RALYL: variants seen among roughly 807,000 people sequenced by gnomAD.
The protein encoded by RALYL is RNA-binding Raly-like protein.
RALYL carries 29 observed loss-of-function variants against 35.1 expected under a neutral mutation model. The ratio of observed to expected loss-of-function variants is 0.83; its 90% CI spans 0.61 to 1.13. The LOEUF (loss-of-function observed/expected upper bound fraction) is 1.13, where lower values mean the gene tolerates loss of function less well. RALYL is among the 50% of genes most tolerant of loss of function. The pLI, the probability that RALYL is intolerant of heterozygous loss-of-function variation, is 0.00. For missense variants in RALYL, 359 were observed against 360.4 expected (o/e 1.00, Z 0.03); for synonymous variants, 120 against 127.6 (o/e 0.94, Z 0.40).
At chr8:84,552,014 A>G (rs1162989163) in intron 2 of RALYL, among the ~76,000 whole-genome samples, 2 of 152,062 alleles carry the variant, frequency 1.3e-5, no homozygotes, top group African/African-American at 4.8e-5. Flanking sequence ...ATGTGCACAC[A>G]TACACATACA....
At chr8:84,692,048 CTT>C (rs1314729895) in intron 2 of RALYL, among the ~76,000 whole-genome samples, 1 of 151,674 alleles carries the variant, frequency 6.6e-6, no homozygotes, top group African/African-American at 2.4e-5. Context: ...TTAAAAAAAA[CTT>C]TGGAAAATCA....
intron 4 of RALYL, among the ~76,000 whole-genome samples, chr8:84,805,342 C>A (rs912980001): frequency 6.6e-6 from 1 of 152,168 alleles, no homozygotes; most frequent in Non-Finnish European, 1.5e-5. Flanking sequence ...ATAAGACGAA[C>A]GCTTGCCTGC....
At chr8:84,292,433 C>T (rs1447037240) in intron 1 of RALYL, among the ~76,000 whole-genome samples, 4 of 152,010 alleles carry the variant, frequency 2.6e-5, no homozygotes, top group Admixed American at 6.6e-5. Context: ...ATGCCAGGGG[C>T]GTGTGAACCA....
rs145694566 is a variant in RALYL at position 84,836,419 on chromosome 8, A to G, written c.366-13561A>G. ...TAGCGAGGAACTCTGTGAAGATATC[A>G]TAATTATTTAGGTCCCATTAGGTTT... On this transcript the variant is annotated intron_variant, in intron 4 of 8. Coordinates refer to ENST00000521268, the MANE Select transcript of RALYL (RefSeq NM_173848.7). 6.0e-3 allele frequency among the ~76,000 whole-genome samples: 917 copies of G among 152,288 alleles called. 8 individuals are homozygous for G. The highest frequency in any genetic ancestry group is 0.021 in the African/African-American group (869 of 41,556).
intron 1 of RALYL, among the ~76,000 whole-genome samples, chr8:84,191,921 GAAGT>G (rs1198478195): frequency 3.9e-5 from 6 of 152,286 alleles, no homozygotes; most frequent in Admixed American, 2.6e-4. Flanking sequence ...AACTCTCAGT[GAAGT>G]AAGTGATTCA....
rs954378624 is a variant in RALYL at position 84,675,537 on chromosome 8, T to C, written c.257-99042T>C. Among the ~76,000 whole-genome samples the C allele has an allele frequency of 5.3e-5, 8 of 152,182 alleles. 1 individual carries two copies. The highest frequency in any genetic ancestry group is 5.2e-4 in the Admixed American group (8 of 15,266). On this transcript the variant is annotated intron_variant, in intron 2 of 8. Coordinates refer to ENST00000521268, the MANE Select transcript of RALYL (RefSeq NM_173848.7). ...ATATTTTCAAAACTGAATTATAAAA[T>C]GAAATTTTAGGAGTTGATTTTTGAC... is the stretch of plus-strand genomic sequence containing the variant.
At chr8:84,810,742 C>A (rs1825720112) in intron 4 of RALYL, among the ~76,000 whole-genome samples, 1 of 152,146 alleles carries the variant, frequency 6.6e-6, no homozygotes, top group Non-Finnish European at 1.5e-5. Context: ...TATATAATGT[C>A]CCTCTTTGTC....
intron 2 of RALYL, among the ~76,000 whole-genome samples, chr8:84,703,244 T>C (rs1840535898): frequency 6.6e-6 from 1 of 152,108 alleles, no homozygotes; most frequent in South Asian, 2.1e-4. Flanking sequence ...TTCAAGCCAC[T>C]AGGCCCAGAT....
intron 1 of RALYL, among the ~76,000 whole-genome samples, chr8:84,469,487 G>C (rs974147075): frequency 1.3e-5 from 2 of 152,208 alleles, no homozygotes; most frequent in Non-Finnish European, 2.9e-5. Context: ...ACTTGAGGAG[G>C]CAGTCTGCCC....
chr8:84,409,616 T>G (rs187691794), intron 1 of RALYL, among the ~76,000 whole-genome samples: 1 of 152,128 alleles, frequency 6.6e-6, no homozygotes, highest in Admixed American at 6.6e-5. Context: ...TGTTTCTCAC[T>G]TAAGTTTATG....
At chr8:84,227,236 T>G (rs1235988603) in intron 1 of RALYL, among the ~76,000 whole-genome samples, 1 of 151,824 alleles carries the variant, frequency 6.6e-6, no homozygotes, top group East Asian at 1.9e-4. Flanking sequence ...ATTTTTGTAT[T>G]TTTAGTAGAG....
At chr8:84,488,845 G>A (rs1169595788) in intron 1 of RALYL, among the ~76,000 whole-genome samples, 6 of 151,890 alleles carry the variant, frequency 4.0e-5, no homozygotes, top group South Asian at 2.1e-4. Context: ...ATTTTAAGTG[G>A]TATTACTAGG....
intron 1 of RALYL, among the ~76,000 whole-genome samples, chr8:84,458,995 ATT>A (rs2050446017): frequency 1.3e-5 from 2 of 151,692 alleles, no homozygotes; most frequent in Non-Finnish European, 3.0e-5. Flanking sequence ...TGAATTATTA[ATT>A]TTGATTATAT....
intron 2 of RALYL, among the ~76,000 whole-genome samples, chr8:84,654,828 C>G (rs1017896772): frequency 2.0e-5 from 3 of 152,128 alleles, no homozygotes; most frequent in Non-Finnish European, 4.4e-5. Flanking sequence ...ATTCATTCAT[C>G]TGTTTATGGG....
intron 1 of RALYL, among the ~76,000 whole-genome samples, chr8:84,479,432 A>G (rs2133859551): frequency 1.3e-5 from 2 of 152,304 alleles, no homozygotes; most frequent in East Asian, 3.9e-4. Flanking sequence ...AATGGCACAG[A>G]TTTGTTTTCC....
intron 2 of RALYL, among the ~76,000 whole-genome samples, chr8:84,745,215 G>A (rs1464154149): frequency 3.3e-5 from 5 of 151,840 alleles, no homozygotes; most frequent in African/African-American, 1.2e-4. Flanking sequence ...TGCACATGCT[G>A]TAATCCTTCC....
chr8:84,333,372 G>GA (rs1386455731), intron 1 of RALYL, among the ~76,000 whole-genome samples: 1 of 152,080 alleles, frequency 6.6e-6, no homozygotes, highest in African/African-American at 2.4e-5. Flanking sequence ...TAGGCACAGT[G>GA]AAAACTATTA....
At chr8:84,763,134 G>A (rs1002685941) in intron 2 of RALYL, among the ~76,000 whole-genome samples, 4 of 152,010 alleles carry the variant, frequency 2.6e-5, no homozygotes, top group Non-Finnish European at 5.9e-5. Context: ...AGCAGCCTCG[G>A]TTTTTTAAAT....
chr8:84,870,443 A>T (rs1338429529), intron 6 of RALYL, among the ~76,000 whole-genome samples: 1 of 151,406 alleles, frequency 6.6e-6, no homozygotes, highest in East Asian at 1.9e-4. Flanking sequence ...TTTTTAGTAG[A>T]GACGGGGTTT....
Sources: gnomAD v4.1 joint callset for allele counts (sites outside exome capture counted in the v4.1 genomes callset) on GRCh38, gnomAD v4.1.1 for gene constraint, MANE v1.5 for transcripts, NCBI Gene and HGNC (gene_info 2026-07-23, HGNC 2026-07-21) for gene names.